The following CSGALNACT1 variants were observed in gnomAD, a reference collection of about 807,000 sequenced individuals.
The protein encoded by CSGALNACT1 is chondroitin sulfate N-acetylgalactosaminyltransferase 1.
CSGALNACT1 carries 52 observed loss-of-function variants against 51.0 expected under a neutral mutation model. The observed-to-expected ratio is 1.02, with a 90% confidence interval of 0.82 to 1.29. The LOEUF (loss-of-function observed/expected upper bound fraction) is 1.29. Among genes scored for constraint, CSGALNACT1 ranks in the 50% most tolerant of loss-of-function variants. The pLI is 0.00. For synonymous variants in CSGALNACT1, 341 were observed against 254.4 expected (o/e 1.34, Z -3.24); for missense variants, 935 against 679.2 (o/e 1.38, Z -4.19).
At chr8:19,497,089 G>A (rs937657057) in intron 4 of CSGALNACT1, among the ~76,000 whole-genome samples, 8 of 152,278 alleles carry the variant, frequency 5.3e-5, no homozygotes, top group Admixed American at 2.0e-4. Flanking sequence ...TGAGGAAGGC[G>A]GAGTGGGGAC....
intron 5 of CSGALNACT1, among the ~76,000 whole-genome samples, chr8:19,451,466 A>G (rs1586308833): frequency 6.6e-6 from 1 of 152,332 alleles, no homozygotes; most frequent in Middle Eastern, 3.4e-3. Flanking sequence ...GAGAAGAAAT[A>G]ATAATGACAA....
intron 1 of CSGALNACT1, among the ~76,000 whole-genome samples, chr8:19,680,559 G>GGCCCCCCCCC (rs2060522943): frequency 1.2e-4 from 1 of 8,114 alleles, no homozygotes; most frequent in African/African-American, 4.0e-4. Flanking sequence ...CTGCACCCTC[G>GGCCCCCCCCC]CCCCACCCCC....
intron 3 of CSGALNACT1, among the ~76,000 whole-genome samples, chr8:19,543,135 A>T (rs896158828): frequency 1.3e-5 from 2 of 152,188 alleles, no homozygotes; most frequent in South Asian, 4.1e-4. Context: ...TCAAAACTAG[A>T]TGTATATTAT....
At chr8:19,693,699 T>G (rs959369542) in intron 1 of CSGALNACT1, among the ~76,000 whole-genome samples, 1 of 152,066 alleles carries the variant, frequency 6.6e-6, no homozygotes, top group African/African-American at 2.4e-5. Flanking sequence ...TACCAGTTCA[T>G]CCAACTGTGC....
chr8:19,589,001 T>C (rs1324465053), intron 3 of CSGALNACT1, among the ~76,000 whole-genome samples: 2 of 152,188 alleles, frequency 1.3e-5, no homozygotes, highest in East Asian at 3.9e-4. Context: ...GGCCCAGGAA[T>C]GGTGAACATC....
exon 4 of CSGALNACT1, chr8:19,505,822 G>C: frequency 6.2e-7 from 1 of 1,611,780 alleles, no homozygotes; most frequent in Non-Finnish European, 8.5e-7. Flanking sequence ...AGCCCCCGGC[G>C]AACCATCATC....
intron 3 of CSGALNACT1, among the ~76,000 whole-genome samples, chr8:19,585,676 G>A (rs1248637341): frequency 1.3e-5 from 2 of 152,194 alleles, no homozygotes; most frequent in African/African-American, 4.8e-5. Flanking sequence ...TCACAGCATG[G>A]TGCTGAGGAA....
At chr8:19,568,490 T>C (rs542740883) in intron 3 of CSGALNACT1, among the ~76,000 whole-genome samples, 3 of 152,312 alleles carry the variant, frequency 2.0e-5, no homozygotes, top group South Asian at 2.1e-4. Flanking sequence ...TAGGCTCTGA[T>C]GGTGGATCAG....
intron 1 of CSGALNACT1, among the ~76,000 whole-genome samples, chr8:19,723,088 C>T (rs898537369): frequency 2.6e-5 from 4 of 152,128 alleles, no homozygotes; most frequent in Non-Finnish European, 4.4e-5. Flanking sequence ...TTTGTATATG[C>T]TAATTTATTT....
chr8:19,530,762 T>A (rs891569538), intron 3 of CSGALNACT1, among the ~76,000 whole-genome samples: 2 of 152,164 alleles, frequency 1.3e-5, no homozygotes, highest in Non-Finnish European at 2.9e-5. Flanking sequence ...AAGTTGATTG[T>A]CCATGAAGTT....
At chr8:19,599,370 A>G (rs1324893167) in intron 2 of CSGALNACT1, among the ~76,000 whole-genome samples, 2 of 151,458 alleles carry the variant, frequency 1.3e-5, no homozygotes, top group African/African-American at 4.9e-5. Flanking sequence ...GGTGGCTCAC[A>G]CCTGTAATCC....
At chr8:19,632,954 G>A (rs896845873) in intron 1 of CSGALNACT1, among the ~76,000 whole-genome samples, 1 of 144,726 alleles carries the variant, frequency 6.9e-6, no homozygotes, top group Non-Finnish European at 1.5e-5. Flanking sequence ...TTTTGGTAGA[G>A]ACGAGGTTTC....
In CSGALNACT1 at chr8:19,623,370, A is replaced by G. The variant is rs571078783; in HGVS notation, c.-543-21505T>C. Among the ~76,000 whole-genome samples, 7 of 152,346 alleles carry G rather than the reference A, an allele frequency of 4.6e-5. No homozygotes were observed. The East Asian group carries it at 9.6e-4, about 21-fold the overall frequency. Reference sequence around the variant, plus strand: ...AGGAAACAGGAAAAACAATCTGTGAAGATATTTTGAACAAAAATGTTTCTA... The same window carrying G: ...AGGAAACAGGAAAAACAATCTGTGAGGATATTTTGAACAAAAATGTTTCTA... On this transcript the variant is annotated intron_variant, in intron 1 of 9. Transcript: ENST00000332246.
intron 1 of CSGALNACT1, among the ~76,000 whole-genome samples, chr8:19,619,837 C>G (rs2053587696): frequency 6.6e-6 from 1 of 152,144 alleles, no homozygotes; most frequent in South Asian, 2.1e-4. Flanking sequence ...AGAGTAACAT[C>G]AGACTTGTTG....
chr8:19,451,502 T>C (rs1013935047), intron 5 of CSGALNACT1, among the ~76,000 whole-genome samples: 3 of 152,252 alleles, frequency 2.0e-5, no homozygotes, highest in East Asian at 3.8e-4. Context: ...ACACACTGTG[T>C]GCACCCAGGA....
intron 1 of CSGALNACT1, among the ~76,000 whole-genome samples, chr8:19,612,978 A>G (rs2052496383): frequency 1.4e-5 from 2 of 146,906 alleles, no homozygotes; most frequent in Non-Finnish European, 3.0e-5. Flanking sequence ...AAAAAAAAAA[A>G]AAGCACAGCT....
intron 5 of CSGALNACT1, among the ~76,000 whole-genome samples, chr8:19,447,839 A>G (rs542343628): frequency 6.6e-6 from 1 of 152,368 alleles, no homozygotes; most frequent in East Asian, 1.9e-4. Context: ...TGTGAGTCCT[A>G]GAGAGACAAA....
intron 3 of CSGALNACT1, among the ~76,000 whole-genome samples, chr8:19,567,471 G>C (rs2042127760): frequency 6.6e-6 from 1 of 152,104 alleles, no homozygotes; most frequent in Non-Finnish European, 1.5e-5. Context: ...AGAAATAGAA[G>C]GCTACTTCCT....
chr8:19,561,873 C>G (rs919567599), intron 3 of CSGALNACT1, among the ~76,000 whole-genome samples: 1 of 152,128 alleles, frequency 6.6e-6, no homozygotes. Flanking sequence ...AAGAGGAACA[C>G]CTGAGCCCAA....
Sources: allele counts gnomAD v4.1 joint callset (sites outside exome capture counted in the v4.1 genomes callset), GRCh38; gene constraint gnomAD v4.1.1; transcripts MANE v1.5; gene names NCBI Gene and HGNC (gene_info 2026-07-23, HGNC 2026-07-21).